Variants in PRDM1 observed in about 807,000 individuals in gnomAD.
PRDM1 encodes the protein PR domain zinc finger protein 1.
PRDM1 carries 13 observed loss-of-function variants against 62.8 expected under a neutral mutation model. The ratio of observed to expected loss-of-function variants is 0.21; its 90% CI spans 0.13 to 0.33. PRDM1 has a LOEUF of 0.33. PRDM1 is among the 10% of genes least tolerant of loss of function. The pLI is 1.00. For synonymous variants in PRDM1, 396 were observed against 417.6 expected (o/e 0.95, Z 0.63); for missense variants, 895 against 1,058.8 (o/e 0.85, Z 2.15).
upstream of PRDM1, among the ~76,000 whole-genome samples, chr6:106,085,772 A>G (rs1445161038): frequency 6.7e-6 from 1 of 148,818 alleles, no homozygotes; most frequent in Non-Finnish European, 1.5e-5. Context: ...CTATTTCCCT[A>G]TTTACTAAAT....
At chr6:106,036,882 T>C (rs1022825858) in intron 1 of PRDM1, among the ~76,000 whole-genome samples, 4 of 152,086 alleles carry the variant, frequency 2.6e-5, no homozygotes, top group African/African-American at 9.7e-5. Context: ...AGCACAATCA[T>C]AGCTCACTGC....
At chr6:106,059,953 G>A (rs1773319516) in intron 1 of PRDM1, among the ~76,000 whole-genome samples, 2 of 152,148 alleles carry the variant, frequency 1.3e-5, no homozygotes, top group Admixed American at 1.3e-4. Context: ...GCTTTGGAAA[G>A]AGAGAATCAG....
chr6:106,067,783 T>G (rs554274832), intron 1 of PRDM1, among the ~76,000 whole-genome samples: 2 of 152,254 alleles, frequency 1.3e-5, no homozygotes, highest in African/African-American at 4.8e-5. Context: ...GAAAAAGTTT[T>G]GGGAATAGTG....
At chr6:106,009,711 C>A (rs1164752795) in intron 1 of PRDM1, among the ~76,000 whole-genome samples, 1 of 151,932 alleles carries the variant, frequency 6.6e-6, no homozygotes, top group Non-Finnish European at 1.5e-5. Context: ...ATGTGATTAT[C>A]TTCTCCCTCC....
intron 3 of PRDM1, chr6:106,098,151 A>G: frequency 1.0e-6 from 1 of 981,950 alleles, no homozygotes; most frequent in Non-Finnish European, 1.2e-6. Flanking sequence ...GGTGAGCACA[A>G]AATTCCTGCT....
chr6:106,005,137 A>G (rs1257902994), intron 1 of PRDM1, among the ~76,000 whole-genome samples: 1 of 152,238 alleles, frequency 6.6e-6, no homozygotes, highest in African/African-American at 2.4e-5. Flanking sequence ...ACCTCTTATC[A>G]AAACTTAATT....
At chr6:106,089,077 G>T (rs752390422) in intron 2 of PRDM1, among the ~76,000 whole-genome samples, 3 of 152,204 alleles carry the variant, frequency 2.0e-5, no homozygotes, top group Admixed American at 6.5e-5. Flanking sequence ...TTCCTTACTG[G>T]CCTCTGAAGT....
intron 1 of PRDM1, among the ~76,000 whole-genome samples, chr6:106,021,063 A>G (rs1562146223): frequency 6.6e-6 from 1 of 152,250 alleles, no homozygotes; most frequent in African/African-American, 2.4e-5. Flanking sequence ...GCCATTCATA[A>G]CAATAACTTA....
rs865854264 is a variant in PRDM1 at position 106,017,001 on chromosome 6, A to G, written c.-67+23362A>G. Reference sequence around the variant, plus strand: ...GTTGGAAATTTTTTGGAGATTTGCAATAATTTGAAGAAACTCCTAGATGAA... The same window carrying G: ...GTTGGAAATTTTTTGGAGATTTGCAGTAATTTGAAGAAACTCCTAGATGAA... On this transcript the variant is annotated intron_variant, in intron 1 of 6. Transcript: ENST00000652320. Among the ~76,000 whole-genome samples, 3 of 152,364 alleles carry G rather than the reference A, an allele frequency of 2.0e-5. No individual in the cohort carries two copies. The South Asian group carries it at 6.2e-4, about 32-fold the overall frequency.
rs28712552 is a variant in PRDM1, at chr6:106,023,328, T to G, written c.-67+29689T>G. ...TCTGGCACTTTAATAAGACTCCCTG[T>G]AGTGTTTAACAGTGGTTTAAATTTT... On this transcript the variant is annotated intron_variant, in intron 1 of 6. Coordinates refer to the PRDM1 transcript ENST00000652320. Among the ~76,000 whole-genome samples the G allele has an allele frequency of 8.1e-3, 1,233 of 152,260 alleles. 15 individuals carry two copies. The highest frequency in any genetic ancestry group is 0.029 in the African/African-American group (1,194 of 41,562).
intron 3 of PRDM1, chr6:106,098,740 A>C: frequency 1.4e-6 from 2 of 1,429,722 alleles, no homozygotes; most frequent in Non-Finnish European, 1.9e-6. Context: ...CCAAGTATTC[A>C]TATGAACAAG....
chr6:106,036,533 C>T (rs140511406), intron 1 of PRDM1, among the ~76,000 whole-genome samples: 11 of 152,298 alleles, frequency 7.2e-5, no homozygotes, highest in African/African-American at 2.6e-4. Context: ...TTTATAGCTC[C>T]ATCCTCACCT....
intron 1 of PRDM1, among the ~76,000 whole-genome samples, chr6:106,011,285 G>A (rs1454723420): frequency 1.3e-5 from 2 of 152,076 alleles, no homozygotes; most frequent in African/African-American, 4.8e-5. Flanking sequence ...TGCTGATTTG[G>A]GCCTAGTCTG....
chr6:106,014,323 G>A (rs1399391537), intron 1 of PRDM1, among the ~76,000 whole-genome samples: 1 of 151,774 alleles, frequency 6.6e-6, no homozygotes, highest in Admixed American at 6.6e-5. Context: ...GCCTCCCAAA[G>A]CGCTGGGATT....
intron 1 of PRDM1, among the ~76,000 whole-genome samples, chr6:106,053,505 T>C (rs749505431): frequency 2.6e-5 from 4 of 152,292 alleles, no homozygotes; most frequent in Non-Finnish European, 4.4e-5. Flanking sequence ...TTCTATTGTA[T>C]CTATTATGTA....
At chr6:106,101,326 C>T in intron 4 of PRDM1, among the ~76,000 whole-genome samples, 1 of 152,064 alleles carries the variant, frequency 6.6e-6, no homozygotes, top group Non-Finnish European at 1.5e-5. Context: ...GCACCCTGTG[C>T]CAATCAAGGG....
chr6:106,078,032 T>C (rs890319261), intron 1 of PRDM1, among the ~76,000 whole-genome samples: 1 of 152,226 alleles, frequency 6.6e-6, no homozygotes, highest in African/African-American at 2.4e-5. Flanking sequence ...TCCAGATAAA[T>C]CTACTTCCTG....
upstream of PRDM1, among the ~76,000 whole-genome samples, chr6:106,047,554 A>C (rs189878091): frequency 1.4e-4 from 21 of 152,372 alleles, 1 homozygote; most frequent in East Asian, 3.9e-3. Flanking sequence ...GTAGGAAGTT[A>C]GTAGGACCTA....
intron 1 of PRDM1, among the ~76,000 whole-genome samples, chr6:106,002,416 G>A (rs1037945064): frequency 1.3e-5 from 2 of 152,106 alleles, no homozygotes; most frequent in Non-Finnish European, 2.9e-5. Context: ...GATGATAAGG[G>A]ATTTCATAGT....
Sources: allele counts gnomAD v4.1 joint callset (sites outside exome capture counted in the v4.1 genomes callset), GRCh38; gene constraint gnomAD v4.1.1; transcripts MANE v1.5; gene names NCBI Gene and HGNC (gene_info 2026-07-23, HGNC 2026-07-21).